PCGF5: variants seen among roughly 807,000 people sequenced by gnomAD.
PCGF5 encodes the protein polycomb group RING finger protein 5.
PCGF5 carries 9 observed loss-of-function variants against 44.3 expected under a neutral mutation model. The ratio of observed to expected loss-of-function variants is 0.20; its 90% CI spans 0.12 to 0.35. The LOEUF is 0.35. PCGF5 is among the 10% of genes least tolerant of loss of function. PCGF5 has a pLI of 1.00. For missense variants in PCGF5, 146 were observed against 305.3 expected (o/e 0.48, Z 3.89); for synonymous variants, 95 against 102.5 (o/e 0.93, Z 0.44).
Position 91,281,298 on chromosome 10 carries a change from G to A in PCGF5, c.*2982G>A, listed in dbSNP as rs1201813084. ...TTATACATTAAACATCTATCCCATA[G>A]TAATGTGCCACATTTTATAAACGTA... On this transcript the variant is annotated 3_prime_UTR_variant, in exon 10 of 10. Coordinates refer to ENST00000336126, the MANE Select transcript of PCGF5 (RefSeq NM_032373.5). 2 of 152,420 alleles carry A rather than the reference G, an allele frequency of 1.3e-5. No individual in the cohort carries two copies. Among genetic ancestry groups the A allele is most frequent in the East Asian group, 1.9e-4 (1 of 5,194 alleles). 9.4% of individuals were successfully genotyped at this position (152,420 alleles called of 1,614,324 possible).
intron 1 of PCGF5, among the ~76,000 whole-genome samples, chr10:91,163,340 CA>C (rs1843427573): frequency 6.6e-6 from 1 of 151,502 alleles, no homozygotes; most frequent in Non-Finnish European, 1.5e-5. Context: ...GCCGGGCGGG[CA>C]AGGGGAGGGC....
intron 2 of PCGF5, among the ~76,000 whole-genome samples, chr10:91,226,371 G>A (rs1844841232): frequency 6.6e-6 from 1 of 150,408 alleles, no homozygotes; most frequent in African/African-American, 2.4e-5. Context: ...ATGTGTATCA[G>A]GATACTGGAG....
intron 8 of PCGF5, among the ~76,000 whole-genome samples, chr10:91,264,723 G>C (rs1394594457): frequency 6.6e-6 from 1 of 152,102 alleles, no homozygotes; most frequent in Non-Finnish European, 1.5e-5. Flanking sequence ...GATTGTATTA[G>C]ATTTAAAGTG....
At chr10:91,242,857 T>C (rs1845365171) in intron 3 of PCGF5, among the ~76,000 whole-genome samples, 1 of 152,184 alleles carries the variant, frequency 6.6e-6, no homozygotes, top group Admixed American at 6.6e-5. Flanking sequence ...ATAACCACAG[T>C]ATGATTGCAT....
chr10:91,171,878 T>C (rs189054594), intron 1 of PCGF5, among the ~76,000 whole-genome samples: 3 of 152,250 alleles, frequency 2.0e-5, no homozygotes, highest in Non-Finnish European at 4.4e-5. Context: ...GAGGCCAAAA[T>C]ATCAAAATGA....
intron 1 of PCGF5, among the ~76,000 whole-genome samples, chr10:91,210,583 G>T (rs75963066): frequency 0.011 from 1,718 of 152,288 alleles, 10 homozygotes; most frequent in Non-Finnish European, 0.018. Flanking sequence ...AGAACCTGTG[G>T]TCTGTGGAGG....
intron 5 of PCGF5, among the ~76,000 whole-genome samples, chr10:91,250,747 G>T (rs1187024300): frequency 4.0e-5 from 6 of 151,552 alleles, no homozygotes; most frequent in Admixed American, 6.6e-5. Context: ...TAATGGAGTT[G>T]TAACATGTTA....
chr10:91,265,364 CATAA>C (rs746925309), intron 8 of PCGF5, among the ~76,000 whole-genome samples: 77 of 151,970 alleles, frequency 5.1e-4, no homozygotes, highest in African/African-American at 8.2e-4. Context: ...AATCTGAGTG[CATAA>C]ATAAATAAAT....
intron 1 of PCGF5, among the ~76,000 whole-genome samples, chr10:91,178,680 C>A (rs1242319056): frequency 2.0e-5 from 3 of 152,030 alleles, no homozygotes; most frequent in Non-Finnish European, 4.4e-5. Context: ...TGAGCCCCTG[C>A]ACCTGGCCTG....
chr10:91,176,816 T>C (rs1368795000), intron 1 of PCGF5, among the ~76,000 whole-genome samples: 1 of 152,196 alleles, frequency 6.6e-6, no homozygotes, highest in African/African-American at 2.4e-5. Context: ...TCTAATCTTT[T>C]CTCAAGGTTT....
intron 9 of PCGF5, among the ~76,000 whole-genome samples, chr10:91,276,422 T>G (rs905970398): frequency 9.9e-5 from 15 of 152,226 alleles, no homozygotes; most frequent in African/African-American, 3.6e-4. Context: ...GTGCAGTCAC[T>G]TAACACTAAG....
chr10:91,161,515 A>T (rs1843382360), upstream of PCGF5, among the ~76,000 whole-genome samples: 1 of 152,198 alleles, frequency 6.6e-6, no homozygotes, highest in Non-Finnish European at 1.5e-5. Flanking sequence ...CTGTAAAATG[A>T]CTGGGTTCAT....
At chr10:91,227,793 C>T (rs1844889277) in intron 2 of PCGF5, 1 of 990,474 alleles carries the variant, frequency 1.0e-6, no homozygotes, top group Non-Finnish European at 1.2e-6. Context: ...CATACAAATA[C>T]TTGGTTCAAC....
Position 91,280,792 on chromosome 10 carries a change from G to C in PCGF5, c.*2476G>C, listed in dbSNP as rs1170973601. On this transcript the variant is annotated 3_prime_UTR_variant, in exon 10 of 10. Transcript: ENST00000336126. ...GATTGTAGAATTTGCAAGAAACTAG[G>C]TATAGAAAAAATGTACAGGCAACTT... 1 of 152,050 alleles carries C rather than the reference G, an allele frequency of 6.6e-6. No individual in the cohort carries two copies. Among genetic ancestry groups the C allele is most frequent in the Non-Finnish European group, 1.5e-5 (1 of 67,872 alleles). 9.4% of individuals were successfully genotyped at this position (152,050 alleles called of 1,614,324 possible).
intron 3 of PCGF5, among the ~76,000 whole-genome samples, chr10:91,247,277 TAAA>T (rs888940934): frequency 1.3e-5 from 2 of 152,068 alleles, no homozygotes; most frequent in Non-Finnish European, 2.9e-5. Context: ...AATATAAACT[TAAA>T]AAATAATTTT....
chr10:91,246,691 T>C (rs1589393095), intron 3 of PCGF5, among the ~76,000 whole-genome samples: 1 of 152,010 alleles, frequency 6.6e-6, no homozygotes, highest in Non-Finnish European at 1.5e-5. Context: ...GCTTGGTGAG[T>C]AAATGTGTAA....
chr10:91,228,584 G>A (rs944058892), intron 2 of PCGF5, among the ~76,000 whole-genome samples: 4 of 152,050 alleles, frequency 2.6e-5, no homozygotes, highest in African/African-American at 7.2e-5. Context: ...TAAGAGACTC[G>A]GCGATTTTAT....
At chr10:91,243,792 A>G (rs570105168) in intron 3 of PCGF5, among the ~76,000 whole-genome samples, 3 of 152,372 alleles carry the variant, frequency 2.0e-5, no homozygotes, top group South Asian at 4.1e-4. Flanking sequence ...ATTTTAATAT[A>G]TAGCAAAACA....
At chr10:91,202,394 G>C (rs1357173114) in intron 1 of PCGF5, among the ~76,000 whole-genome samples, 1 of 152,186 alleles carries the variant, frequency 6.6e-6, no homozygotes, top group Non-Finnish European at 1.5e-5. Context: ...GTGACCTTGA[G>C]AGAGTTAATT....
Sources: gnomAD v4.1 joint callset for allele counts (sites outside exome capture counted in the v4.1 genomes callset) on GRCh38, gnomAD v4.1.1 for gene constraint, MANE v1.5 for transcripts, NCBI Gene and HGNC (gene_info 2026-07-23, HGNC 2026-07-21) for gene names.